UBXN7: variants seen among roughly 807,000 people sequenced by gnomAD.
UBXN7 encodes the protein UBX domain-containing protein 7.
In UBXN7, 9 loss-of-function variants were observed where a neutral mutation model predicts 58.0. That is an observed-to-expected ratio of 0.16 (90% CI 0.09 to 0.27). The LOEUF (loss-of-function observed/expected upper bound fraction) is 0.27. Among genes scored for constraint, UBXN7 ranks in the 10% least tolerant of loss-of-function variants. The pLI, the probability that UBXN7 is intolerant of heterozygous loss-of-function variation, is 1.00. For synonymous variants in UBXN7, 208 were observed against 205.0 expected (o/e 1.01, Z -0.12); for missense variants, 328 against 599.6 (o/e 0.55, Z 4.73).
At chr3:196,369,735 C>T (rs1728766643) in intron 6 of UBXN7, among the ~76,000 whole-genome samples, 1 of 152,212 alleles carries the variant, frequency 6.6e-6, no homozygotes, top group African/African-American at 2.4e-5. Flanking sequence ...CCCATTCCTC[C>T]TCCTTTCCCA....
At chr3:196,422,294 C>A (rs7372674) in intron 1 of UBXN7, among the ~76,000 whole-genome samples, 51,856 of 151,556 alleles carry the variant, frequency 0.34, 9,913 homozygotes, top group East Asian at 0.82. Flanking sequence ...CCAACCTAGG[C>A]AGCACAGGGA....
At chr3:196,398,084 GA>G (rs1359092100) in intron 3 of UBXN7, among the ~76,000 whole-genome samples, 1 of 152,192 alleles carries the variant, frequency 6.6e-6, no homozygotes, top group East Asian at 1.9e-4. Context: ...GTTACAAAAA[GA>G]CAGTGGCTTC....
At chr3:196,369,319 T>C (rs1728754825) in intron 7 of UBXN7, 102 bp downstream of exon 7, 20 of 943,382 alleles carry the variant, frequency 2.1e-5, no homozygotes, top group South Asian at 1.9e-4. Flanking sequence ...CCTAAATTAC[T>C]GCAATTCTGA....
chr3:196,430,348 C>T (rs1279368846), intron 1 of UBXN7, among the ~76,000 whole-genome samples: 1 of 150,830 alleles, frequency 6.6e-6, no homozygotes, highest in African/African-American at 2.4e-5. Flanking sequence ...GGCAACACAG[C>T]GAGACTGTCT....
chr3:196,403,216 G>A lies in UBXN7; in HGVS notation c.222-197C>T, dbSNP rs922508506. On this transcript the variant is annotated intron_variant, in intron 2 of 10. Transcript: ENST00000296328. ...TCTGTCGTCCAGGCTGGAGTGGACCGACACGATCTTGGCTCACTGCAACCT... is the reference window on the plus strand; with the variant it reads ...TCTGTCGTCCAGGCTGGAGTGGACCAACACGATCTTGGCTCACTGCAACCT... Among the ~76,000 whole-genome samples, 21 of 152,114 alleles carry A rather than the reference G, an allele frequency of 1.4e-4. No homozygotes were observed. In the East Asian group the frequency reaches 2.7e-3, roughly 20 times the overall value.
chr3:196,405,388 T>C (rs575144837), intron 2 of UBXN7, among the ~76,000 whole-genome samples: 10 of 150,964 alleles, frequency 6.6e-5, no homozygotes, highest in African/African-American at 2.2e-4. Context: ...GAGAATCCAC[T>C]TGAACCCAGG....
chr3:196,389,010 CAA>C (rs1188485614), intron 5 of UBXN7, among the ~76,000 whole-genome samples: 2 of 152,010 alleles, frequency 1.3e-5, no homozygotes, highest in Non-Finnish European at 2.9e-5. Context: ...GGGACAACAT[CAA>C]AAGAGATTCG....
chr3:196,369,641 C>CACTA (rs1728764170), intron 6 of UBXN7, 130 bp from the exon 7 acceptor site: 1 of 625,786 alleles, frequency 1.6e-6, no homozygotes, highest in African/African-American at 1.9e-5. Context: ...CTCACTCCTA[C>CACTA]ACTAAAAAGA....
At chr3:196,386,005 T>C (rs955637145) in intron 5 of UBXN7, among the ~76,000 whole-genome samples, 16 of 152,132 alleles carry the variant, frequency 1.1e-4, no homozygotes, top group South Asian at 2.1e-4. Flanking sequence ...GAGGTGGACA[T>C]AGGAGACTCC....
intron 1 of UBXN7, among the ~76,000 whole-genome samples, chr3:196,429,200 G>A (rs1370674043): frequency 2.0e-5 from 3 of 151,856 alleles, no homozygotes; most frequent in Admixed American, 6.6e-5. Context: ...GGTGGCAGGC[G>A]CCTGTGGTCC....
At chr3:196,371,260 G>A (rs1384811152) in intron 6 of UBXN7, among the ~76,000 whole-genome samples, 2 of 152,090 alleles carry the variant, frequency 1.3e-5, no homozygotes, top group Admixed American at 6.6e-5. Context: ...AATGGAGAAG[G>A]GGTGTAAGTA....
intron 3 of UBXN7, among the ~76,000 whole-genome samples, chr3:196,401,970 CTAAAA>C (rs1014561630): frequency 3.3e-5 from 5 of 151,902 alleles, no homozygotes; most frequent in Non-Finnish European, 5.9e-5. Context: ...TACCCCAAAC[CTAAAA>C]TAAAAGTTGG....
At chr3:196,395,200 G>A (rs531689647) in intron 3 of UBXN7, among the ~76,000 whole-genome samples, 3 of 152,080 alleles carry the variant, frequency 2.0e-5, no homozygotes, top group Admixed American at 6.6e-5. Flanking sequence ...TCCCCTTAAC[G>A]CGTGTCAAAA....
chr3:196,379,920 C>G (rs1289998494), intron 5 of UBXN7, among the ~76,000 whole-genome samples: 1 of 151,992 alleles, frequency 6.6e-6, no homozygotes, highest in Non-Finnish European at 1.5e-5. Context: ...GGATCTAGTG[C>G]AGGAAAGAAT....
chr3:196,396,341 G>C lies in UBXN7; in HGVS notation c.290-2722C>G, dbSNP rs991276671. Among the ~76,000 whole-genome samples the C allele has an allele frequency of 3.7e-4, 56 of 150,970 alleles. 1 individual carries two copies. The highest frequency in any genetic ancestry group is 1.0e-3 in the African/African-American group (43 of 41,056). ...CCCAGGTGGCTGATGTGAGAGGATC[G>C]CTTGAGCCAAGGAGTTCGAGTACAG... On this transcript the variant is annotated intron_variant, in intron 3 of 10. Transcript: ENST00000296328.
chr3:196,398,911 G>A (rs1729861193), intron 3 of UBXN7, among the ~76,000 whole-genome samples: 1 of 151,400 alleles, frequency 6.6e-6, no homozygotes, highest in South Asian at 2.1e-4. Context: ...TAATCCCAAA[G>A]TGTTCGGATT....
chr3:196,416,565 T>C (rs1730493373), intron 1 of UBXN7, among the ~76,000 whole-genome samples: 1 of 152,174 alleles, frequency 6.6e-6, no homozygotes, highest in Non-Finnish European at 1.5e-5. Context: ...TTAGAGAATT[T>C]GTGGGTTCTG....
At chr3:196,408,409 C>T (rs554335958) in intron 1 of UBXN7, among the ~76,000 whole-genome samples, 4 of 152,248 alleles carry the variant, frequency 2.6e-5, no homozygotes, top group Non-Finnish European at 2.9e-5. Flanking sequence ...ATAAAATCTA[C>T]ATAAAATACT....
intron 5 of UBXN7, among the ~76,000 whole-genome samples, chr3:196,377,828 G>A (rs566009787): frequency 6.6e-5 from 10 of 151,976 alleles, no homozygotes; most frequent in East Asian, 1.9e-4. Flanking sequence ...GCACCACCAC[G>A]TCCAGCTAAT....
Sources: gnomAD v4.1 joint callset for allele counts (sites outside exome capture counted in the v4.1 genomes callset) on GRCh38, gnomAD v4.1.1 for gene constraint, MANE v1.5 for transcripts, NCBI Gene and HGNC (gene_info 2026-07-23, HGNC 2026-07-21) for gene names.